Variants in ZP3 observed in about 807,000 individuals in gnomAD.
The protein encoded by ZP3 is zona pellucida glycoprotein 3.
A neutral mutation model predicts 35.6 loss-of-function variants in ZP3; 21 were observed. The observed-to-expected ratio is 0.59, with a 90% confidence interval of 0.42 to 0.85. ZP3 has a LOEUF of 0.85. Among genes scored for constraint, ZP3 ranks in the 40% least tolerant of loss-of-function variants. The probability of loss-of-function intolerance (pLI) is 0.00; values close to 1 mark genes in which losing one functional copy is unlikely to be tolerated. For synonymous variants in ZP3, 207 were observed against 214.5 expected (o/e 0.96, Z 0.31); for missense variants, 437 against 536.5 (o/e 0.81, Z 1.83).
intron 1 of ZP3, among the ~76,000 whole-genome samples, chr7:76,414,004 T>C (rs904385772): frequency 1.3e-5 from 2 of 150,262 alleles, no homozygotes; most frequent in South Asian, 2.1e-4. Flanking sequence ...TCTTCTTTTT[T>C]TTTTTTTTTT....
In ZP3 at chr7:76,425,290, G is replaced by A; in HGVS notation, c.312+14G>A. 6.3e-7 allele frequency: 1 copy of A among 1,590,940 alleles called. No homozygotes were observed. Among genetic ancestry groups the A allele is most frequent in the Non-Finnish European group, 8.6e-7 (1 of 1,167,514 alleles). Reference sequence around the variant, plus strand: ...AACAGCATGCAGGTAAGAGAGGCTGGGGGCCCTGGCTTTGGTGGGAGGATG... The same window carrying A: ...AACAGCATGCAGGTAAGAGAGGCTGAGGGCCCTGGCTTTGGTGGGAGGATG... On this transcript the variant is annotated intron_variant, in intron 1 of 7. Transcript: ENST00000394857.
intron 5 of ZP3, among the ~76,000 whole-genome samples, chr7:76,437,016 C>T (rs1391921668): frequency 4.9e-4 from 75 of 151,580 alleles, no homozygotes; most frequent in Non-Finnish European, 8.8e-4. Context: ...AAGGAACAAC[C>T]CTATTTCAGA....
At chr7:76,397,913 C>A in intron 1 of ZP3, 1 of 1,378,116 alleles carries the variant, frequency 7.3e-7, no homozygotes, top group Non-Finnish European at 9.7e-7. Context: ...CCCGGTGTCC[C>A]AGGATCTACA....
At chr7:76,418,785 G>A (rs1370006684) in intron 1 of ZP3, among the ~76,000 whole-genome samples, 2 of 152,114 alleles carry the variant, frequency 1.3e-5, no homozygotes, top group Non-Finnish European at 2.9e-5. Context: ...GAACCCGGGA[G>A]GCGGAGCTTG....
chr7:76,429,345 T>C, intron 1 of ZP3, 170 bp from the exon 2 acceptor site: 1 of 635,638 alleles, frequency 1.6e-6, no homozygotes, highest in Admixed American at 2.3e-5. Context: ...CCTCAAGCAA[T>C]CCTTGGCCTC....
Position 76,433,504 on chromosome 7 carries a change from C to G in ZP3, c.570C>G (p.Phe190Leu), listed in dbSNP as rs753155780. Residue 190 changes from phenylalanine (F) to leucine (L), a missense_variant, in exon 4 of 8, where the codon TTC becomes TTG. Physicochemically the swap from Phe to Leu is conservative, Grantham distance 22. This residue lies in a region of ZP3 where 352 missense variants were observed against 308.4 expected (regional missense o/e 1.14). Coordinates refer to ENST00000394857, the MANE Select transcript of ZP3 (RefSeq NM_001110354.2). ...NWNAEKRSPT[F>L]HLGDAAHLQA... ...ACGCTGAGAAGAGGTCCCCCACCTT[C>G]CACCTGGGAGATGCAGCCCACCTCC... is the stretch of plus-strand genomic sequence containing the variant. 6 of 1,613,910 alleles carry G rather than the reference C, an allele frequency of 3.7e-6. No homozygotes were observed. The highest frequency in any genetic ancestry group is 1.1e-5 in the South Asian group (1 of 91,070).
intron 1 of ZP3, among the ~76,000 whole-genome samples, chr7:76,413,956 C>T (rs1209368644): frequency 2.0e-5 from 3 of 149,902 alleles, no homozygotes; most frequent in Admixed American, 6.6e-5. Context: ...CATGAGCCAC[C>T]TCATCTGGCC....
chr7:76,436,127 C>T (rs1359944283), intron 5 of ZP3, among the ~76,000 whole-genome samples: 1 of 135,826 alleles, frequency 7.4e-6, no homozygotes, highest in Admixed American at 8.4e-5. Flanking sequence ...TCTTAGGTCA[C>T]TGCAACTTCC....
intron 1 of ZP3, among the ~76,000 whole-genome samples, chr7:76,399,761 C>T (rs1804754543): frequency 6.6e-6 from 1 of 151,960 alleles, no homozygotes; most frequent in African/African-American, 2.4e-5. Flanking sequence ...TGGGCTCAAG[C>T]AATCTTGCCA....
At chr7:76,420,269 G>C (rs1284588194), upstream of ZP3, among the ~76,000 whole-genome samples, 3 of 151,886 alleles carry the variant, frequency 2.0e-5, no homozygotes, top group Non-Finnish European at 2.9e-5. Context: ...CTCCTGCTTC[G>C]GCCTCCCAAA....
At chr7:76,400,300 G>T in intron 1 of ZP3, 1 of 1,495,630 alleles carries the variant, frequency 6.7e-7, no homozygotes, top group Middle Eastern at 1.8e-4. Flanking sequence ...ACACAGGACA[G>T]CCACATCCTC....
At chr7:76,427,546 G>A (rs1254435542) in intron 1 of ZP3, among the ~76,000 whole-genome samples, 2 of 151,318 alleles carry the variant, frequency 1.3e-5, no homozygotes, top group South Asian at 2.1e-4. Context: ...TACAGCCATG[G>A]CCAGTTTCCC....
At chr7:76,426,890 AC>A (rs1374834971) in intron 1 of ZP3, among the ~76,000 whole-genome samples, 44 of 131,834 alleles carry the variant, frequency 3.3e-4, no homozygotes, top group Non-Finnish European at 6.2e-4. Context: ...ACACACACAC[AC>A]ACACACACAC....
intron 1 of ZP3, among the ~76,000 whole-genome samples, chr7:76,406,284 T>A (rs958748380): frequency 6.6e-6 from 1 of 152,158 alleles, no homozygotes; most frequent in Non-Finnish European, 1.5e-5. Context: ...GGTCTGTGCA[T>A]TCGAAATATA....
intron 1 of ZP3, among the ~76,000 whole-genome samples, chr7:76,418,784 A>G: frequency 6.6e-6 from 1 of 152,062 alleles, no homozygotes; most frequent in East Asian, 1.9e-4. Flanking sequence ...TGAACCCGGG[A>G]GGCGGAGCTT....
At chr7:76,404,213 C>G (rs527689556) in intron 1 of ZP3, 1 of 1,427,724 alleles carries the variant, frequency 7.0e-7, no homozygotes, top group African/African-American at 1.4e-5. Context: ...CAGGAACGAG[C>G]TCATTCACAA....
At chr7:76,427,106 A>C (rs1805688192) in intron 1 of ZP3, among the ~76,000 whole-genome samples, 1 of 152,114 alleles carries the variant, frequency 6.6e-6, no homozygotes, top group Non-Finnish European at 1.5e-5. Flanking sequence ...GGCTGCTAAA[A>C]TAGAAAGGAT....
chr7:76,408,490 C>T (rs1197045640), intron 1 of ZP3, among the ~76,000 whole-genome samples: 2 of 152,152 alleles, frequency 1.3e-5, no homozygotes. Flanking sequence ...ACTTCTCAGG[C>T]TGCTGGGATA....
rs1359552515 is a variant in ZP3 at position 76,433,132 on chromosome 7, T to TGGTTGGTTTC, written c.535+111_535+112insCGGTTGGTTT. On this transcript the variant is annotated intron_variant, in intron 3 of 7. Transcript: ENST00000394857. ...TTTTTTGTTTGTTTGGTTTTGGTTT[T>TGGTTGGTTTC]GGTTGGTTTTGGTTGGTTTTGGTTG... The TGGTTGGTTTC allele has an allele frequency of 1.1e-5, 5 of 471,240 alleles. No individual in the cohort carries two copies. The East Asian group carries it at 1.7e-4, about 16-fold the overall frequency. The allele number at this position is 471,240 out of a possible 1,614,324, so 29.2% of individuals were successfully genotyped here.
Sources: gnomAD v4.1 joint callset for allele counts (sites outside exome capture counted in the v4.1 genomes callset) on GRCh38, gnomAD v4.1.1 for gene constraint, gnomAD v4.1.1 regional missense constraint, MANE v1.5 for transcripts, NCBI Gene and HGNC (gene_info 2026-07-23, HGNC 2026-07-21) for gene names.